The following INVS variants were observed in gnomAD, a reference collection of about 807,000 sequenced individuals.
The protein encoded by INVS is inversin.
A neutral mutation model predicts 108.8 loss-of-function variants in INVS; 86 were observed. That is an observed-to-expected ratio of 0.79 (90% CI 0.66 to 0.95). The LOEUF is 0.95. Ranked by LOEUF, INVS falls within the 40% of genes least tolerant of loss-of-function variation. INVS has a pLI of 0.00. For synonymous variants in INVS, 455 were observed against 473.5 expected (o/e 0.96, Z 0.51); for missense variants, 1,169 against 1,297.4 (o/e 0.90, Z 1.52).
chr9:100,171,119 G>T (rs749930572), intron 3 of INVS, among the ~76,000 whole-genome samples: 7 of 152,168 alleles, frequency 4.6e-5, no homozygotes, highest in Non-Finnish European at 7.3e-5. Flanking sequence ...AGGAGGGAAA[G>T]AATATGTACA....
At chr9:100,258,633 A>T (rs1364740228) in intron 10 of INVS, among the ~76,000 whole-genome samples, 3 of 152,246 alleles carry the variant, frequency 2.0e-5, no homozygotes, top group Non-Finnish European at 4.4e-5. Flanking sequence ...TTTTCCTTCT[A>T]ACAGTCAGGA....
intron 3 of INVS, among the ~76,000 whole-genome samples, chr9:100,205,051 G>A (rs910135991): frequency 1.3e-5 from 2 of 151,854 alleles, no homozygotes; most frequent in African/African-American, 2.4e-5. Flanking sequence ...AGGGATGTGG[G>A]GTGAAAAAAA....
At chr9:100,150,405 T>C (rs543775862) in intron 3 of INVS, among the ~76,000 whole-genome samples, 1 of 152,190 alleles carries the variant, frequency 6.6e-6, no homozygotes, top group South Asian at 2.1e-4. Flanking sequence ...AATCAAAAAC[T>C]AAAAGGAAAA....
At chr9:100,180,559 C>G (rs927834488) in intron 3 of INVS, among the ~76,000 whole-genome samples, 2 of 152,146 alleles carry the variant, frequency 1.3e-5, no homozygotes, top group African/African-American at 4.8e-5. Flanking sequence ...GACACATACA[C>G]CCTCCTAAGA....
At chr9:100,138,372 C>G (rs1341899214) in intron 3 of INVS, among the ~76,000 whole-genome samples, 1 of 152,136 alleles carries the variant, frequency 6.6e-6, no homozygotes, top group Admixed American at 6.5e-5. Context: ...TGCCATTGCA[C>G]TCCAGCTAGG....
chr9:100,274,942 T>C (rs1180598193), intron 12 of INVS, among the ~76,000 whole-genome samples: 1 of 152,132 alleles, frequency 6.6e-6, no homozygotes, highest in African/African-American at 2.4e-5. Flanking sequence ...AAAGTAATAA[T>C]AAGAGGCAAG....
At chr9:100,299,465 A>G (rs1489306910) in intron 16 of INVS, among the ~76,000 whole-genome samples, 1 of 151,948 alleles carries the variant, frequency 6.6e-6, no homozygotes, top group Non-Finnish European at 1.5e-5. Flanking sequence ...TTTGGGAGGC[A>G]GCAAATCAAT....
At chr9:100,201,725 TA>T (rs1332726791) in intron 3 of INVS, among the ~76,000 whole-genome samples, 1 of 152,242 alleles carries the variant, frequency 6.6e-6, no homozygotes, top group African/African-American at 2.4e-5. Context: ...TCCTTTACAC[TA>T]AACTGGAAAG....
chr9:100,146,119 T>C (rs796789098), intron 3 of INVS, among the ~76,000 whole-genome samples: 3 of 152,306 alleles, frequency 2.0e-5, no homozygotes, highest in Admixed American at 6.5e-5. Flanking sequence ...CCAAATTTCA[T>C]GCGCATCTGT....
chr9:100,206,949 C>T (rs1830693176), intron 3 of INVS, among the ~76,000 whole-genome samples: 1 of 152,094 alleles, frequency 6.6e-6, no homozygotes, highest in Non-Finnish European at 1.5e-5. Flanking sequence ...AGATTATGCA[C>T]TTTTGGTAAG....
intron 5 of INVS, among the ~76,000 whole-genome samples, chr9:100,237,149 TTTAC>T (rs533881032): frequency 1.8e-4 from 28 of 152,256 alleles, no homozygotes; most frequent in South Asian, 1.2e-3. Flanking sequence ...GGAGGCTTTG[TTTAC>T]ACTGTGAGGG....
intron 3 of INVS, among the ~76,000 whole-genome samples, chr9:100,173,374 T>C (rs895094469): frequency 6.6e-6 from 1 of 152,154 alleles, no homozygotes; most frequent in East Asian, 1.9e-4. Flanking sequence ...AGTAGAAATC[T>C]GCATTCTTAC....
chr9:100,185,752 G>A (rs1276899683), intron 3 of INVS, among the ~76,000 whole-genome samples: 1 of 151,712 alleles, frequency 6.6e-6, no homozygotes, highest in African/African-American at 2.4e-5. Context: ...CACTCTGTAT[G>A]CCTTTGCATA....
At chr9:100,214,637 A>G (rs1229488535) in intron 3 of INVS, among the ~76,000 whole-genome samples, 1 of 152,228 alleles carries the variant, frequency 6.6e-6, no homozygotes, top group Non-Finnish European at 1.5e-5. Context: ...CTTTGCTTCC[A>G]TGTATACAAC....
At chr9:100,181,497 A>G (rs1829886127) in intron 3 of INVS, among the ~76,000 whole-genome samples, 1 of 152,190 alleles carries the variant, frequency 6.6e-6, no homozygotes, top group Non-Finnish European at 1.5e-5. Flanking sequence ...CTAAATCATG[A>G]GTGAACTCCT....
intron 3 of INVS, among the ~76,000 whole-genome samples, chr9:100,155,972 G>A (rs184661940): frequency 3.9e-5 from 6 of 152,296 alleles, no homozygotes; most frequent in Admixed American, 1.3e-4. Flanking sequence ...CTAACCCCAT[G>A]AAGGATCACC....
At chr9:100,252,767 C>T (rs542600445) in intron 9 of INVS, 140 bp from the exon 10 acceptor site, 1 of 712,052 alleles carries the variant, frequency 1.4e-6, no homozygotes, top group African/African-American at 1.8e-5. Context: ...AAGAATAAAG[C>T]ATTAAAGGAA....
intron 3 of INVS, chr9:100,214,993 C>T (rs149205319): frequency 5.3e-4 from 80 of 152,282 alleles, no homozygotes; most frequent in African/African-American, 1.7e-3. Flanking sequence ...GATATAACTT[C>T]GCCTTTTCTC....
chr9:100,118,920 C>T lies in INVS; in HGVS notation c.107-7463C>T, dbSNP rs371484777. 1.3e-4 allele frequency among the ~76,000 whole-genome samples: 20 copies of T among 152,290 alleles called. No individual in the cohort carries two copies. In the East Asian group the frequency reaches 3.9e-3, roughly 29 times the overall value. On this transcript the variant is annotated intron_variant, in intron 2 of 16. Coordinates refer to ENST00000262457, the MANE Select transcript of INVS (RefSeq NM_014425.5). ...AGGTGATCCACCCACCTTGGCTTCCCAAAGTGCTCGGATTACAGGCATGAG... is the reference window on the plus strand; with the variant it reads ...AGGTGATCCACCCACCTTGGCTTCCTAAAGTGCTCGGATTACAGGCATGAG...
Sources: allele counts gnomAD v4.1 joint callset (sites outside exome capture counted in the v4.1 genomes callset), GRCh38; gene constraint gnomAD v4.1.1; transcripts MANE v1.5; gene names NCBI Gene and HGNC (gene_info 2026-07-23, HGNC 2026-07-21).